C10orf105: variants seen among roughly 807,000 people sequenced by gnomAD.
The protein encoded by C10orf105 is chromosome 10 open reading frame 105, also known as uncharacterized protein C10orf105.
A neutral mutation model predicts 0.6 loss-of-function variants in C10orf105; 2 were observed. That is an observed-to-expected ratio of 3.18 (90% confidence interval 1.30 to 10.01). The LOEUF (loss-of-function observed/expected upper bound fraction) is 10.01. Among genes scored for constraint, C10orf105 ranks in the 30% most tolerant of loss-of-function variants. The probability of loss-of-function intolerance (pLI) is 0.04; values close to 1 mark genes in which losing one functional copy is unlikely to be tolerated. For missense variants in C10orf105, 209 were observed against 191.4 expected (o/e 1.09, Z -0.54); for synonymous variants, 95 against 82.4 (o/e 1.15, Z -0.83).
At chr10:71,724,204 A>AC (rs1866703394), upstream of C10orf105, 1 of 1,307,114 alleles carries the variant, frequency 7.7e-7, no homozygotes, top group Non-Finnish European at 1.1e-6. Flanking sequence ...GGCCAAGAGA[A>AC]CCCCCAGGGC....
At chr10:71,728,732 G>A (rs10823834) in intron 1 of C10orf105, among the ~76,000 whole-genome samples, 45,726 of 152,104 alleles carry the variant, frequency 0.3, 7,783 homozygotes, top group Non-Finnish European at 0.39. Context: ...GGAAGAGGGT[G>A]CCTCTCCTGT....
At chr10:71,734,385 C>T (rs1053825503) in intron 1 of C10orf105, 2 of 1,555,858 alleles carry the variant, frequency 1.3e-6, no homozygotes, top group African/African-American at 2.7e-5. Flanking sequence ...CGGCCCATCG[C>T]TGGCCATGAC....
Position 71,736,986 on chromosome 10 carries a change from C to T in C10orf105, c.-6+742G>A, listed in dbSNP as rs190517773. ...GGAAGAGCATTTCGGGCAGAGGGAA[C>T]GGCAAGCACAAAAGCCCTGTGGTGT... On this transcript the variant is annotated intron_variant, in intron 1 of 1. Transcript: ENST00000398786. Among the ~76,000 whole-genome samples the T allele has an allele frequency of 3.2e-4, 49 of 152,240 alleles. No individual in the cohort carries two copies. The East Asian group carries it at 8.5e-3, about 26-fold the overall frequency.
intron 1 of C10orf105, among the ~76,000 whole-genome samples, chr10:71,733,913 A>T (rs1839473175): frequency 6.6e-6 from 1 of 152,274 alleles, no homozygotes. Context: ...TCAGTCCTCA[A>T]AGAGTTCTCA....
At chr10:71,736,417 C>A (rs149022885) in intron 1 of C10orf105, among the ~76,000 whole-genome samples, 2,728 of 152,344 alleles carry the variant, frequency 0.018, 31 homozygotes, top group Middle Eastern at 0.044. Flanking sequence ...TCCCCAGCAG[C>A]CCTGGCCGGC....
chr10:71,716,402 A>G, intron 1 of C10orf105, 60 bp from the exon 2 acceptor site: 1 of 1,381,968 alleles, frequency 7.2e-7, no homozygotes, highest in South Asian at 1.5e-5. Flanking sequence ...GGCAGCGGGT[A>G]TAGGGAAGAC....
At chr10:71,718,083 C>A (rs2132779028) in intron 1 of C10orf105, among the ~76,000 whole-genome samples, 1 of 152,238 alleles carries the variant, frequency 6.6e-6, no homozygotes, top group Admixed American at 6.5e-5. Flanking sequence ...GGGGTCTTTC[C>A]TTTTCATGAG....
At chr10:71,727,708 G>A (rs966789153) in intron 1 of C10orf105, among the ~76,000 whole-genome samples, 13 of 152,092 alleles carry the variant, frequency 8.5e-5, no homozygotes, top group African/African-American at 3.1e-4. Context: ...TCCTCTCCCT[G>A]TCCTCCTAAC....
chr10:71,712,921 G>A lies in C10orf105; in HGVS notation c.*3015C>T, dbSNP rs1589362184. 1.2e-5 allele frequency: 16 copies of A among 1,333,508 alleles called. 1 individual carries two copies. The highest frequency in any genetic ancestry group is 4.0e-5 in the Admixed American group (2 of 50,376). 82.6% of individuals were successfully genotyped at this position (1,333,508 alleles called of 1,614,324 possible). A position where few individuals can be genotyped will look rare whatever the true frequency, so the allele number is the denominator to read the frequency against. On this transcript the variant is annotated 3_prime_UTR_variant, in exon 2 of 2. Transcript: ENST00000441508. ...GCACCAGAGGCGGAAGCAGGTGGGG[G>A]CCCAGGGTGGGTCCGCTGCTCTGGA...
chr10:71,724,217 T>C, upstream of C10orf105: 4 of 1,149,174 alleles, frequency 3.5e-6, no homozygotes, highest in South Asian at 1.3e-5. Context: ...CCCAGGGCCA[T>C]ATACATGGGG....
At chr10:71,731,686 A>G (rs1839390757) in intron 1 of C10orf105, among the ~76,000 whole-genome samples, 1 of 152,148 alleles carries the variant, frequency 6.6e-6, no homozygotes, top group African/African-American at 2.4e-5. Flanking sequence ...TCCAGATATC[A>G]AAGGGAGGTA....
Position 71,713,344 on chromosome 10 carries a change from C to G in C10orf105, c.*2592G>C. 1.3e-6 allele frequency: 1 copy of G among 771,186 alleles called. No individual in the cohort carries two copies. Among genetic ancestry groups the G allele is most frequent in the African/African-American group, 1.7e-5 (1 of 58,998 alleles). 47.8% of individuals were successfully genotyped at this position (771,186 alleles called of 1,614,324 possible). The stretch of plus-strand genomic sequence containing the variant: ...AAACAATTTGGGTGTGCACCCACAC[C>G]TCTGCCCAGAGGCCTCAGTTGCTGG... On this transcript the variant is annotated 3_prime_UTR_variant, in exon 2 of 2. Coordinates refer to ENST00000441508, the MANE Select transcript of C10orf105 (RefSeq NM_001164375.3).
At position 71,713,055 on chromosome 10, in the gene C10orf105, G is replaced by A. The variant is rs1360538531; in HGVS notation, c.*2881C>T. ...TCTGGCTCCCCACAAACAGGAGGAA[G>A]ACTTGGCCTCCCCCTGCATATCTCC... is the stretch of plus-strand genomic sequence containing the variant. On this transcript the variant is annotated 3_prime_UTR_variant, in exon 2 of 2. Transcript: ENST00000441508. 1 of 738,086 alleles carries A rather than the reference G, an allele frequency of 1.4e-6. No homozygotes were observed. The highest frequency in any genetic ancestry group is 2.5e-6 in the Non-Finnish European group (1 of 398,052). 45.7% of individuals were successfully genotyped at this position (738,086 alleles called of 1,614,324 possible).
chr10:71,732,295 A>G, intron 1 of C10orf105: 2 of 1,612,496 alleles, frequency 1.2e-6, no homozygotes, highest in Non-Finnish European at 1.7e-6. Context: ...CTCCATCGAC[A>G]ACCTCAACCA....
At position 71,713,113 on chromosome 10, in the gene C10orf105, G is replaced by C; in HGVS notation, c.*2823C>G. ...CCCAGAAGGGCCTTTCAGAGTAGCG[G>C]GGAGAAAGAGACGTCACAATTTCCC... On this transcript the variant is annotated 3_prime_UTR_variant, in exon 2 of 2. Coordinates refer to ENST00000441508, the MANE Select transcript of C10orf105 (RefSeq NM_001164375.3). 1 of 774,222 alleles carries C rather than the reference G, an allele frequency of 1.3e-6. No individual in the cohort carries two copies. The highest frequency in any genetic ancestry group is 1.4e-5 in the South Asian group (1 of 73,546). The allele number at this position is 774,222 out of a possible 1,614,324, so 48.0% of individuals were successfully genotyped here. A position where few individuals can be genotyped will look rare whatever the true frequency, so the allele number is the denominator to read the frequency against.
chr10:71,723,753 C>T (rs1866675520), upstream of C10orf105, among the ~76,000 whole-genome samples: 1 of 152,192 alleles, frequency 6.6e-6, no homozygotes, highest in Non-Finnish European at 1.5e-5. Context: ...ACCCAGCGAG[C>T]TGCAGTGCCA....
At chr10:71,732,435 C>T (rs1202615675) in intron 1 of C10orf105, 8 of 1,545,508 alleles carry the variant, frequency 5.2e-6, no homozygotes, top group Non-Finnish European at 8.7e-7. Flanking sequence ...TGGTTGAGCT[C>T]CTTCTGTGTG....
At position 71,713,212 on chromosome 10, in the gene C10orf105, AGGCTCCCCTCTTG is replaced by A. The variant is rs1866059843; in HGVS notation, c.*2711_*2723del. 2.6e-6 allele frequency: 2 copies of A among 779,282 alleles called. No individual in the cohort carries two copies. Among genetic ancestry groups the A allele is most frequent in the Non-Finnish European group, 4.8e-6 (2 of 417,798 alleles). The allele number at this position is 779,282 out of a possible 1,614,324, so 48.3% of individuals were successfully genotyped here. A position where few individuals can be genotyped will look rare whatever the true frequency, so the allele number is the denominator to read the frequency against. ...GCTGCTTTCACAGAGCCCTTGGCCGAGGCTCCCCTCTTGGGAAGTAAACAGGCACAAGAAGAAA... is the reference window on the plus strand; with the variant it reads ...GCTGCTTTCACAGAGCCCTTGGCCGAGGAAGTAAACAGGCACAAGAAGAAA... On this transcript the variant is annotated 3_prime_UTR_variant, in exon 2 of 2. Coordinates refer to ENST00000441508, the MANE Select transcript of C10orf105 (RefSeq NM_001164375.3).
intron 1 of C10orf105, among the ~76,000 whole-genome samples, chr10:71,718,356 C>T (rs1423539629): frequency 6.6e-6 from 1 of 151,924 alleles, no homozygotes; most frequent in Non-Finnish European, 1.5e-5. Context: ...ACCCCACCTC[C>T]CACCCATTCC....
Sources: gnomAD v4.1 joint callset for allele counts (sites outside exome capture counted in the v4.1 genomes callset) on GRCh38, gnomAD v4.1.1 for gene constraint, MANE v1.5 for transcripts, NCBI Gene and HGNC (gene_info 2026-07-23, HGNC 2026-07-21) for gene names.